PKM: variants seen among roughly 807,000 people sequenced by gnomAD.
PKM encodes the protein pyruvate kinase PKM.
PKM carries 18 observed loss-of-function variants against 49.8 expected under a neutral mutation model. The observed-to-expected ratio is 0.36, with a 90% CI of 0.25 to 0.54. PKM has a LOEUF of 0.54. Ranked by LOEUF, PKM falls within the 20% of genes least tolerant of loss-of-function variation. The pLI, the probability that PKM is intolerant of heterozygous loss-of-function variation, is 0.89. For missense variants in PKM, 508 were observed against 713.8 expected, an observed-to-expected ratio of 0.71 and a Z score of 3.28; for synonymous variants, 239 against 261.8, an observed-to-expected ratio of 0.91 and a Z score of 0.84.
chr15:72,212,157 G>A (rs938208813), intron 3 of PKM, among the ~76,000 whole-genome samples: 1 of 152,068 alleles, frequency 6.6e-6, no homozygotes, highest in Non-Finnish European at 1.5e-5. Context: ...TTGCTTACTG[G>A]CTTGTAATAG....
intron 1 of PKM, 178 bp from the exon 2 acceptor site, chr15:72,219,288 T>C (rs2082461241): frequency 1.7e-6 from 1 of 597,496 alleles, no homozygotes; most frequent in African/African-American, 1.9e-5. Context: ...GAAAAAGGGT[T>C]CACCAGATTG....
In PKM at chr15:72,208,425, T is replaced by A. The variant is rs551318230; in HGVS notation, c.836+196A>T. Among the ~76,000 whole-genome samples, 133 of 150,794 alleles carry A rather than the reference T, an allele frequency of 8.8e-4. No individual in the cohort carries two copies. The South Asian group carries it at 0.013, about 15-fold the overall frequency. On this transcript the variant is annotated intron_variant, in intron 6 of 10. Coordinates refer to ENST00000335181, the MANE Select transcript of PKM (RefSeq NM_002654.6). ...CTCAATTACCTGGGAAGCTTTTTTT[T>A]AAAAAAAACAAAAAAACAAAAACAA... is the stretch of plus-strand genomic sequence containing the variant.
chr15:72,206,040 C>A (rs2082069467), intron 8 of PKM, among the ~76,000 whole-genome samples: 3 of 152,086 alleles, frequency 2.0e-5, no homozygotes, highest in Admixed American at 2.0e-4. Flanking sequence ...CAGTCCAGGG[C>A]CGCCAGGGTC....
In PKM at chr15:72,207,298, G is replaced by C. The variant is rs887701806; in HGVS notation, c.837-21C>G. The stretch of plus-strand genomic sequence containing the variant: ...CAAACCTGATGGACAAAGTTGGGGG[G>C]AGAGAGGTTATATAGAACAGAGGCC... On this transcript the variant is annotated intron_variant, in intron 6 of 10. Transcript: ENST00000335181. 7.4e-6 allele frequency: 12 copies of C among 1,613,044 alleles called. No individual in the cohort carries two copies. The African/African-American group carries it at 1.1e-4, about 14-fold the overall frequency.
intron 1 of PKM, chr15:72,230,775 C>G (rs990739879): frequency 2.5e-6 from 1 of 399,690 alleles, no homozygotes; most frequent in Non-Finnish European, 4.6e-6. Context: ...AGGGTGGAAT[C>G]AATCACGAGG....
intron 2 of PKM, among the ~76,000 whole-genome samples, chr15:72,218,597 T>C (rs573129092): frequency 9.9e-5 from 15 of 151,794 alleles, no homozygotes; most frequent in Non-Finnish European, 1.5e-5. Flanking sequence ...TTTTTTTTTT[T>C]TTTTTTTCAC....
chr15:72,231,042 G>T (rs1220163857), intron 1 of PKM, 74 bp downstream of exon 1: 1 of 1,032,960 alleles, frequency 9.7e-7, no homozygotes, highest in Non-Finnish European at 1.3e-6. Context: ...GCCGGCCGGC[G>T]CGCCGGGATT....
intron 1 of PKM, chr15:72,229,762 C>CT: frequency 9.1e-7 from 1 of 1,097,160 alleles, no homozygotes; most frequent in Non-Finnish European, 1.2e-6. Flanking sequence ...GTCTCTAACT[C>CT]TGACCCCCAA....
At position 72,221,165 on chromosome 15, in the gene PKM, T is replaced by C; in HGVS notation, c.-13-2055A>G. 6 of 1,503,816 alleles carry C rather than the reference T, an allele frequency of 4.0e-6. 1 individual carries two copies. In the South Asian group the frequency reaches 4.8e-5, roughly 12 times the overall value. The allele number at this position is 1,503,816 out of a possible 1,614,324, so 93.2% of individuals were successfully genotyped here. ...GCTGGGGCCACTGAATATCAGGTCA[T>C]ACCTTTGGTTCTCTGGGGTTGGGCT... is the stretch of plus-strand genomic sequence containing the variant. On this transcript the variant is annotated intron_variant, in intron 1 of 10. Coordinates refer to ENST00000335181, the MANE Select transcript of PKM (RefSeq NM_002654.6).
rs8192361 is a variant in PKM at position 72,227,529 on chromosome 15, A to G, written c.-14+3587T>C. On this transcript the variant is annotated intron_variant, in intron 1 of 10. Transcript: ENST00000335181. The stretch of plus-strand genomic sequence containing the variant: ...GGAGGCCGAGGCCGGTGGATCACCT[A>G]AGTCAGGAGTTCAAGACCAGCCTGG... 9.5e-4 allele frequency among the ~76,000 whole-genome samples: 144 copies of G among 152,202 alleles called. 1 individual carries two copies. The highest frequency in any genetic ancestry group is 3.4e-3 in the Middle Eastern group (1 of 294).
intron 1 of PKM, chr15:72,230,854 G>C: frequency 9.2e-7 from 1 of 1,090,228 alleles, no homozygotes; most frequent in Non-Finnish European, 1.2e-6. Flanking sequence ...GATGGGACCA[G>C]AATGAGGGGG....
intron 1 of PKM, among the ~76,000 whole-genome samples, chr15:72,223,733 T>C (rs2082588144): frequency 6.6e-6 from 1 of 152,134 alleles, no homozygotes. Flanking sequence ...TTAAGGGTAA[T>C]GACAATAATG....
intron 1 of PKM, among the ~76,000 whole-genome samples, chr15:72,230,458 G>A (rs974099497): frequency 1.3e-5 from 2 of 152,194 alleles, no homozygotes; most frequent in African/African-American, 2.4e-5. Context: ...GTGGGCGGGC[G>A]CGACCAGAGC....
chr15:72,227,495 G>A (rs571782686), intron 1 of PKM, among the ~76,000 whole-genome samples: 41 of 152,206 alleles, frequency 2.7e-4, no homozygotes, highest in African/African-American at 6.0e-4. Flanking sequence ...CCGTAATCCC[G>A]GCACTTTGGG....
At chr15:72,226,664 C>T (rs2082678952) in intron 1 of PKM, among the ~76,000 whole-genome samples, 1 of 152,242 alleles carries the variant, frequency 6.6e-6, no homozygotes, top group Non-Finnish European at 1.5e-5. Flanking sequence ...CTGTGCTGGT[C>T]CACAGTGTGA....
chr15:72,218,921 G>A lies in PKM; in HGVS notation c.154+23C>T, dbSNP rs889269424. On this transcript the variant is annotated intron_variant, in intron 2 of 10. Transcript: ENST00000335181. ...TCACTGCCCATGAAGCCCTTTTTTG[G>A]GGGAAGGGGCACACCCACTCACCAA... 7 of 1,613,542 alleles carry A rather than the reference G, an allele frequency of 4.3e-6. No individual in the cohort carries two copies. The Admixed American group carries it at 8.3e-5, about 19-fold the overall frequency.
intron 3 of PKM, among the ~76,000 whole-genome samples, chr15:72,215,286 C>T (rs2082351278): frequency 6.6e-6 from 1 of 152,254 alleles, no homozygotes; most frequent in East Asian, 1.9e-4. Flanking sequence ...TCTCAACGTT[C>T]TGCTCAGAAG....
rs536893537 is a variant in PKM at position 72,223,529 on chromosome 15, A to T, written c.-13-4419T>A. On this transcript the variant is annotated intron_variant, in intron 1 of 10. Transcript: ENST00000335181. ...ATCCACAACTCTTCCGAACACCTGC[A>T]TCCGTTAGAAAGTCTGCATCATGAT... Among the ~76,000 whole-genome samples the T allele has an allele frequency of 9.8e-5, 15 of 152,304 alleles. No individual in the cohort carries two copies. The East Asian group carries it at 2.9e-3, about 29-fold the overall frequency.
At chr15:72,221,249 G>A in intron 1 of PKM, 1 of 1,535,452 alleles carries the variant, frequency 6.5e-7, no homozygotes, top group Non-Finnish European at 8.7e-7. Context: ...CACTAGCAAA[G>A]ACCGCTCAGA....
Sources: allele counts gnomAD v4.1 joint callset (sites outside exome capture counted in the v4.1 genomes callset), GRCh38; gene constraint gnomAD v4.1.1; transcripts MANE v1.5; gene names NCBI Gene and HGNC (gene_info 2026-07-23, HGNC 2026-07-21).